Variants in DDAH1 observed in about 807,000 individuals in gnomAD.
DDAH1 encodes the protein dimethylarginine dimethylaminohydrolase 1.
Under a neutral mutation model 28.8 loss-of-function variants are expected in DDAH1, and 19 were observed. The ratio of observed to expected loss-of-function variants is 0.66; its 90% CI spans 0.46 to 0.97. The LOEUF (loss-of-function observed/expected upper bound fraction) is 0.97, where lower values mean the gene tolerates loss of function less well. Ranked by LOEUF, DDAH1 falls within the 50% of genes least tolerant of loss-of-function variation. The pLI, the probability that DDAH1 is intolerant of heterozygous loss-of-function variation, is 0.00. For synonymous variants in DDAH1, 153 were observed against 154.4 expected, an observed-to-expected ratio of 0.99 and a Z score of 0.07; for missense variants, 326 against 375.9, an observed-to-expected ratio of 0.87 and a Z score of 1.10.
intron 1 of DDAH1, among the ~76,000 whole-genome samples, chr1:85,383,502 A>G (rs1240583011): frequency 1.3e-5 from 2 of 152,238 alleles, no homozygotes; most frequent in Non-Finnish European, 2.9e-5. Context: ...TGAAATGATA[A>G]TAAAATATTT....
intron 1 of DDAH1, among the ~76,000 whole-genome samples, chr1:85,526,213 G>A (rs536763970): frequency 6.6e-6 from 1 of 152,342 alleles, no homozygotes; most frequent in East Asian, 1.9e-4. Context: ...GTGAGCCCCA[G>A]CTCATGGAAA....
chr1:85,426,087 C>T (rs535927942), intron 1 of DDAH1, among the ~76,000 whole-genome samples: 5 of 152,220 alleles, frequency 3.3e-5, no homozygotes, highest in Non-Finnish European at 7.4e-5. Context: ...TGAATACATA[C>T]GTAACACTTA....
At position 85,350,529 on chromosome 1, in the gene DDAH1, A is replaced by G; in HGVS notation, c.483T>C (p.Tyr161=). Residue 161 remains tyrosine (Y), a synonymous_variant, in exon 4 of 6, where the codon TAT becomes TAC. Coordinates refer to ENST00000284031, the MANE Select transcript of DDAH1 (RefSeq NM_012137.4). The part of the protein sequence containing the change: ...AEILADTFKD[Y]AVSTVPVADG... ...CTGCCACTGGCACTGTGGAGACTGCATAGTCCTACGTGGACAATAGAAAAA... is the reference window on the plus strand; with the variant it reads ...CTGCCACTGGCACTGTGGAGACTGCGTAGTCCTACGTGGACAATAGAAAAA... 1 of 1,614,040 alleles carries G rather than the reference A, an allele frequency of 6.2e-7. No individual in the cohort carries two copies. The highest frequency in any genetic ancestry group is 1.1e-5 in the South Asian group (1 of 91,068).
chr1:85,465,141 C>T lies in DDAH1; in HGVS notation c.-96G>A. On this transcript the variant is annotated 5_prime_UTR_variant, in exon 1 of 6. Coordinates refer to ENST00000284031, the MANE Select transcript of DDAH1 (RefSeq NM_012137.4). ...AGCCTGCGAGCGCCCGTCGGCTCCT[C>T]TTGGCAGCCGCTGAATGTGGTGCAG... The T allele has an allele frequency of 8.6e-7, 1 of 1,163,878 alleles. No individual in the cohort carries two copies. The highest frequency in any genetic ancestry group is 4.2e-5 in the South Asian group (1 of 23,802). 72.1% of individuals were successfully genotyped at this position (1,163,878 alleles called of 1,614,324 possible). A position where few individuals can be genotyped will look rare whatever the true frequency, so the allele number is the denominator to read the frequency against.
At chr1:85,559,616 G>A (rs898914107) in intron 1 of DDAH1, among the ~76,000 whole-genome samples, 1 of 152,120 alleles carries the variant, frequency 6.6e-6, no homozygotes, top group African/African-American at 2.4e-5. Flanking sequence ...AAAACATAAT[G>A]TGATGAGAAG....
intron 2 of DDAH1, chr1:85,494,252 C>A (rs1656503257): frequency 6.6e-6 from 1 of 152,164 alleles, no homozygotes; most frequent in South Asian, 2.1e-4. Flanking sequence ...CAGAACAGCT[C>A]TTAAAGGCTA....
chr1:85,503,096 A>C (rs1007711730), intron 1 of DDAH1, among the ~76,000 whole-genome samples: 3 of 151,856 alleles, frequency 2.0e-5, no homozygotes, highest in East Asian at 1.9e-4. Context: ...TTAAAAAAAA[A>C]CCCCAACAAC....
chr1:85,559,252 C>T (rs1659072433), intron 1 of DDAH1, among the ~76,000 whole-genome samples: 1 of 152,194 alleles, frequency 6.6e-6, no homozygotes, highest in Non-Finnish European at 1.5e-5. Context: ...AGCAGAGTCA[C>T]ATCTTAGTAG....
At chr1:85,495,160 ATT>A (rs35573396) in intron 2 of DDAH1, 245 of 146,118 alleles carry the variant, frequency 1.7e-3, no homozygotes, top group South Asian at 2.8e-3. Flanking sequence ...TTTCTGTCCA[ATT>A]TTTTTTTTTT....
intron 2 of DDAH1, among the ~76,000 whole-genome samples, chr1:85,492,075 G>A (rs1280677254): frequency 6.6e-6 from 1 of 152,168 alleles, no homozygotes; most frequent in African/African-American, 2.4e-5. Flanking sequence ...TTTTATGGAT[G>A]AGGAAGCTGA....
At chr1:85,414,636 T>C (rs1350401385) in intron 1 of DDAH1, among the ~76,000 whole-genome samples, 1 of 152,200 alleles carries the variant, frequency 6.6e-6, no homozygotes, top group Admixed American at 6.5e-5. Flanking sequence ...TTCCACTTTC[T>C]AAGAAATGGA....
intron 2 of DDAH1, among the ~76,000 whole-genome samples, chr1:85,489,264 T>C (rs747017036): frequency 5.3e-5 from 8 of 152,138 alleles, no homozygotes; most frequent in Non-Finnish European, 7.4e-5. Context: ...GCAAAAATAA[T>C]AGGGTGTGTG....
intron 1 of DDAH1, among the ~76,000 whole-genome samples, chr1:85,419,857 C>T (rs1440084177): frequency 6.6e-6 from 1 of 152,250 alleles, no homozygotes; most frequent in African/African-American, 2.4e-5. Flanking sequence ...TGAGAGTTTT[C>T]AGGAGAGCTG....
At chr1:85,354,903 T>A in intron 2 of DDAH1, among the ~76,000 whole-genome samples, 1 of 149,440 alleles carries the variant, frequency 6.7e-6, no homozygotes, top group Non-Finnish European at 1.5e-5. Flanking sequence ...GAGAACAGAG[T>A]AAAAAGAAAG....
intron 1 of DDAH1, among the ~76,000 whole-genome samples, chr1:85,370,298 C>T (rs2100884126): frequency 6.6e-6 from 1 of 152,326 alleles, no homozygotes; most frequent in East Asian, 1.9e-4. Context: ...TGATATCAGA[C>T]TGCTAGCCTC....
chr1:85,359,140 C>T (rs940273339), intron 1 of DDAH1, among the ~76,000 whole-genome samples: 7 of 152,068 alleles, frequency 4.6e-5, no homozygotes, highest in African/African-American at 9.7e-5. Context: ...TGTTGGAGGC[C>T]GACTAGTTAA....
intron 1 of DDAH1, among the ~76,000 whole-genome samples, chr1:85,453,856 T>C (rs1654767040): frequency 6.6e-6 from 1 of 152,264 alleles, no homozygotes; most frequent in Admixed American, 6.5e-5. Flanking sequence ...AGATCTCTTT[T>C]AGGCCTTTAG....
chr1:85,404,305 T>C, intron 1 of DDAH1: 7 of 1,434,200 alleles, frequency 4.9e-6, no homozygotes, highest in Non-Finnish European at 6.6e-6. Context: ...ATGAAACTTC[T>C]GCCTGTAGGA....
At chr1:85,558,079 C>A (rs930925610) in intron 1 of DDAH1, among the ~76,000 whole-genome samples, 17 of 151,748 alleles carry the variant, frequency 1.1e-4, no homozygotes, top group African/African-American at 4.1e-4. Flanking sequence ...AAAAAAACAT[C>A]AATCTGGTTG....
Sources: allele counts gnomAD v4.1 joint callset (sites outside exome capture counted in the v4.1 genomes callset), GRCh38; gene constraint gnomAD v4.1.1; transcripts MANE v1.5; gene names NCBI Gene and HGNC (gene_info 2026-07-23, HGNC 2026-07-21).